STAG1: variants seen among roughly 807,000 people sequenced by gnomAD.
The protein encoded by STAG1 is cohesin subunit SA-1.
Under a neutral mutation model 170.9 loss-of-function variants are expected in STAG1, and 26 were observed. The observed-to-expected ratio is 0.15, with a 90% CI of 0.11 to 0.21. The LOEUF (loss-of-function observed/expected upper bound fraction) is 0.21. Ranked by LOEUF, STAG1 falls within the 10% of genes least tolerant of loss-of-function variation. The probability of loss-of-function intolerance (pLI) is 1.00; values close to 1 mark genes in which losing one functional copy is unlikely to be tolerated. For synonymous variants in STAG1, 514 were observed against 497.7 expected, an observed-to-expected ratio of 1.03 and a Z score of -0.44; for missense variants, 964 against 1,509.5, an observed-to-expected ratio of 0.64 and a Z score of 5.99.
intron 1 of STAG1, among the ~76,000 whole-genome samples, chr3:136,677,294 A>G (rs1466358160): frequency 6.6e-6 from 1 of 152,190 alleles, no homozygotes; most frequent in African/African-American, 2.4e-5. Context: ...TTGTAGTTCT[A>G]TGACATTAGG....
At chr3:136,524,302 G>A (rs1466646991) in intron 6 of STAG1, among the ~76,000 whole-genome samples, 2 of 152,086 alleles carry the variant, frequency 1.3e-5, no homozygotes, top group African/African-American at 4.8e-5. Flanking sequence ...CCTTGAAGAG[G>A]TCCTTCACAT....
intron 1 of STAG1, among the ~76,000 whole-genome samples, chr3:136,729,570 CTTTTTT>C (rs34078029): frequency 1.3e-4 from 12 of 94,632 alleles, no homozygotes; most frequent in African/African-American, 4.2e-4. Context: ...TGTAGTTTTC[CTTTTTT>C]TTTTTTTTTT....
At chr3:136,697,257 T>C (rs1942923905) in intron 1 of STAG1, among the ~76,000 whole-genome samples, 1 of 152,228 alleles carries the variant, frequency 6.6e-6, no homozygotes, top group Non-Finnish European at 1.5e-5. Flanking sequence ...TCACTTAATA[T>C]TGCATATGTT....
At chr3:136,630,347 G>T (rs1489523464) in intron 2 of STAG1, among the ~76,000 whole-genome samples, 1 of 150,762 alleles carries the variant, frequency 6.6e-6, no homozygotes, top group Non-Finnish European at 1.5e-5. Context: ...TAAGGAAAAA[G>T]AAAGAATCAT....
At chr3:136,377,246 G>T (rs1937648110) in intron 23 of STAG1, among the ~76,000 whole-genome samples, 1 of 149,322 alleles carries the variant, frequency 6.7e-6, no homozygotes, top group Non-Finnish European at 1.5e-5. Flanking sequence ...AATTAGCTGG[G>T]CGCAGTGGCG....
At chr3:136,585,484 T>TG in intron 4 of STAG1, among the ~76,000 whole-genome samples, 1 of 152,062 alleles carries the variant, frequency 6.6e-6, no homozygotes, top group South Asian at 2.1e-4. Context: ...CTGGGCATGG[T>TG]GGCCTGTAAT....
chr3:136,365,295 GT>G (rs1937033768), intron 25 of STAG1, among the ~76,000 whole-genome samples: 1 of 152,150 alleles, frequency 6.6e-6, no homozygotes, highest in Non-Finnish European at 1.5e-5. Context: ...TGACATCCAG[GT>G]TTAGTGAAGA....
intron 23 of STAG1, among the ~76,000 whole-genome samples, chr3:136,370,637 T>A (rs1937281210): frequency 6.6e-6 from 1 of 152,336 alleles, no homozygotes; most frequent in Admixed American, 6.5e-5. Flanking sequence ...TGTGATAGTT[T>A]GCTGAGAGTG....
intron 22 of STAG1, among the ~76,000 whole-genome samples, chr3:136,392,486 G>A (rs977725414): frequency 6.6e-6 from 1 of 152,022 alleles, no homozygotes; most frequent in Non-Finnish European, 1.5e-5. Flanking sequence ...AATAAACCAG[G>A]CTGGGCGCAG....
intron 10 of STAG1, 43 bp downstream of exon 10, chr3:136,477,246 G>A (rs752461296): frequency 6.5e-7 from 1 of 1,550,142 alleles, no homozygotes; most frequent in Non-Finnish European, 8.7e-7. Context: ...TTAGTACTGA[G>A]ACAAACATAA....
At chr3:136,531,323 T>C (rs1449691734) in intron 6 of STAG1, among the ~76,000 whole-genome samples, 1 of 150,318 alleles carries the variant, frequency 6.7e-6, no homozygotes, top group Non-Finnish European at 1.5e-5. Flanking sequence ...GACTGTAAAC[T>C]AGTTCAACCA....
rs1207372757 is a variant in STAG1, at chr3:136,403,265, A to G, written c.2197-4436T>C. Among the ~76,000 whole-genome samples the G allele has an allele frequency of 8.2e-5, 12 of 147,128 alleles. No individual in the cohort carries two copies. In the East Asian group the frequency reaches 2.4e-3, roughly 29 times the overall value. On this transcript the variant is annotated intron_variant, in intron 21 of 33. Transcript: ENST00000383202. ...AAAAAAAAAAAAAAGAAAAGAAAAG[A>G]AAAAAAAAAGAAAAAGGAAAAGGGA...
intron 4 of STAG1, among the ~76,000 whole-genome samples, chr3:136,584,808 T>C (rs950966927): frequency 3.3e-5 from 5 of 152,180 alleles, no homozygotes; most frequent in Admixed American, 6.5e-5. Flanking sequence ...CTGCATCCAG[T>C]TAGGAGACAT....
chr3:136,490,890 G>T (rs1354348548), intron 9 of STAG1, among the ~76,000 whole-genome samples: 3 of 151,958 alleles, frequency 2.0e-5, no homozygotes, highest in South Asian at 2.1e-4. Context: ...ATTCTTTTTT[G>T]TTGTTGTTGT....
intron 13 of STAG1, among the ~76,000 whole-genome samples, chr3:136,458,157 GT>G (rs1328170026): frequency 1.3e-5 from 2 of 151,762 alleles, no homozygotes; most frequent in Non-Finnish European, 2.9e-5. Context: ...TGTTTTGTTT[GT>G]TTGTTTGTTT....
At chr3:136,459,401 T>G (rs558799485) in intron 13 of STAG1, among the ~76,000 whole-genome samples, 52 of 151,986 alleles carry the variant, frequency 3.4e-4, no homozygotes, top group Non-Finnish European at 4.7e-4. Flanking sequence ...AACTGCAATG[T>G]AATAGGAGTA....
chr3:136,715,155 A>G (rs1401125769), intron 1 of STAG1, among the ~76,000 whole-genome samples: 1 of 133,912 alleles, frequency 7.5e-6, no homozygotes, highest in Non-Finnish European at 1.5e-5. Flanking sequence ...AAATTTGTGT[A>G]TGTGGGGTTT....
At chr3:136,531,368 T>C (rs1000075772) in intron 6 of STAG1, among the ~76,000 whole-genome samples, 4 of 151,128 alleles carry the variant, frequency 2.6e-5, no homozygotes, top group Non-Finnish European at 5.9e-5. Flanking sequence ...CTCAGGGATC[T>C]AGAACTGGAA....
rs556754441 is a variant in STAG1 at position 136,449,299 on chromosome 3, G to A, written c.1428+2734C>T. Among the ~76,000 whole-genome samples, 8 of 152,240 alleles carry A rather than the reference G, an allele frequency of 5.3e-5. No homozygotes were observed. In the East Asian group the frequency reaches 1.4e-3, roughly 26 times the overall value. Reference sequence around the variant, plus strand: ...TACAGGGCCAGGCGTGGTGGCTCACGCCTGTAATCCCAGCACTTTGGAAGG... The same window carrying A: ...TACAGGGCCAGGCGTGGTGGCTCACACCTGTAATCCCAGCACTTTGGAAGG... On this transcript the variant is annotated intron_variant, in intron 14 of 33. Coordinates refer to ENST00000383202, the MANE Select transcript of STAG1 (RefSeq NM_005862.3).
Sources: allele counts gnomAD v4.1 joint callset (sites outside exome capture counted in the v4.1 genomes callset), GRCh38; gene constraint gnomAD v4.1.1; transcripts MANE v1.5; gene names NCBI Gene and HGNC (gene_info 2026-07-23, HGNC 2026-07-21).